PDZRN3: variants seen among roughly 807,000 people sequenced by gnomAD.
The protein encoded by PDZRN3 is PDZ domain containing ring finger 3.
Under a neutral mutation model 85.7 loss-of-function variants are expected in PDZRN3, and 38 were observed. The ratio of observed to expected loss-of-function variants is 0.44; its 90% CI spans 0.34 to 0.58. The LOEUF (loss-of-function observed/expected upper bound fraction) is 0.58, where lower values mean the gene tolerates loss of function less well. Ranked by LOEUF, PDZRN3 falls within the 20% of genes least tolerant of loss-of-function variation. The pLI, the probability that PDZRN3 is intolerant of heterozygous loss-of-function variation, is 0.01. For synonymous variants in PDZRN3, 759 were observed against 638.0 expected (o/e 1.19, Z -2.86); for missense variants, 1,629 against 1,506.4 (o/e 1.08, Z -1.35).
At chr3:73,511,498 G>C (rs1415174979) in intron 3 of PDZRN3, among the ~76,000 whole-genome samples, 1 of 152,204 alleles carries the variant, frequency 6.6e-6, no homozygotes, top group African/African-American at 2.4e-5. Context: ...GACATTCTTT[G>C]TGGGGCAAGC....
intron 3 of PDZRN3, among the ~76,000 whole-genome samples, chr3:73,507,899 C>G (rs893690525): frequency 6.6e-6 from 1 of 152,114 alleles, no homozygotes; most frequent in Admixed American, 6.5e-5. Flanking sequence ...TCCAGACCAG[C>G]CTGGCCAACA....
chr3:73,475,264 A>G (rs1703425853), intron 3 of PDZRN3, among the ~76,000 whole-genome samples: 1 of 152,314 alleles, frequency 6.6e-6, no homozygotes, highest in African/African-American at 2.4e-5. Context: ...CCCTAATCAC[A>G]TCCTTCCAAA....
intron 3 of PDZRN3, among the ~76,000 whole-genome samples, chr3:73,473,389 T>C (rs909337349): frequency 1.3e-5 from 2 of 152,104 alleles, no homozygotes; most frequent in Non-Finnish European, 2.9e-5. Context: ...TATTGACATT[T>C]TGATGGGTTC....
intron 5 of PDZRN3, among the ~76,000 whole-genome samples, chr3:73,391,976 A>C (rs747902883): frequency 1.1e-4 from 17 of 152,128 alleles, no homozygotes; most frequent in Non-Finnish European, 2.1e-4. Flanking sequence ...AGGAGAATGG[A>C]GGGGCTCTGA....
intron 3 of PDZRN3, among the ~76,000 whole-genome samples, chr3:73,496,780 G>A (rs576085824): frequency 1.3e-5 from 2 of 152,224 alleles, no homozygotes; most frequent in Non-Finnish European, 2.9e-5. Flanking sequence ...AGCTTTACCA[G>A]GTGGCCAATC....
chr3:73,594,143 T>C (rs1702399780), intron 3 of PDZRN3: 1 of 152,090 alleles, frequency 6.6e-6, no homozygotes, highest in Admixed American at 6.5e-5. Flanking sequence ...ACAAAGCCCA[T>C]ATACCACACA....
At position 73,462,406 on chromosome 3, in the gene PDZRN3, G is replaced by A. The variant is rs535481011; in HGVS notation, c.919-58011C>T. 2.0e-4 allele frequency among the ~76,000 whole-genome samples: 31 copies of A among 152,146 alleles called. 1 individual carries two copies. The highest frequency in any genetic ancestry group is 6.2e-4 in the South Asian group (3 of 4,816). ...AAAATACAAAAAAAATTAGCCAGGC[G>A]TGGTGGTGGGCCCCTGTAGTCCCAG... On this transcript the variant is annotated intron_variant, in intron 3 of 9. Coordinates refer to ENST00000263666, the MANE Select transcript of PDZRN3 (RefSeq NM_015009.3).
intron 3 of PDZRN3, chr3:73,434,077 A>G (rs1249549877): frequency 2.3e-6 from 1 of 426,974 alleles, no homozygotes; most frequent in Non-Finnish European, 3.1e-6. Context: ...ATAACAGACA[A>G]TGATACAGAA....
intron 3 of PDZRN3, among the ~76,000 whole-genome samples, chr3:73,545,083 G>A (rs2106790415): frequency 6.6e-6 from 1 of 152,292 alleles, no homozygotes; most frequent in Middle Eastern, 3.4e-3. Context: ...ACCTATACTG[G>A]CATTTAGTAG....
chr3:73,475,839 C>G (rs1178608598), intron 3 of PDZRN3, among the ~76,000 whole-genome samples: 1 of 152,166 alleles, frequency 6.6e-6, no homozygotes, highest in Non-Finnish European at 1.5e-5. Flanking sequence ...GGAGCAAATG[C>G]AAGCGTTTGA....
chr3:73,451,265 T>A (rs1253247369), intron 3 of PDZRN3, among the ~76,000 whole-genome samples: 1 of 152,134 alleles, frequency 6.6e-6, no homozygotes, highest in African/African-American at 2.4e-5. Flanking sequence ...AGTAAAAAAA[T>A]AATTGCTCTC....
At chr3:73,588,843 G>A (rs1404256483) in intron 3 of PDZRN3, among the ~76,000 whole-genome samples, 2 of 152,176 alleles carry the variant, frequency 1.3e-5, no homozygotes, top group Non-Finnish European at 1.5e-5. Flanking sequence ...AGCAGGTGGT[G>A]TATGACTGAC....
intron 2 of PDZRN3, among the ~76,000 whole-genome samples, chr3:73,605,743 T>C (rs1702591047): frequency 6.6e-6 from 1 of 152,198 alleles, no homozygotes; most frequent in Non-Finnish European, 1.5e-5. Flanking sequence ...TACATTCAGG[T>C]TTCATGATGC....
At position 73,549,973 on chromosome 3, in the gene PDZRN3, T is replaced by C. The variant is rs535329376; in HGVS notation, c.918+52381A>G. ...CCATGTCCTTTCAGATCCTGGGCCC[T>C]GGCTGCCTGTTAGTGCAGATGCTGC... is the stretch of plus-strand genomic sequence containing the variant. On this transcript the variant is annotated intron_variant, in intron 3 of 9. Transcript: ENST00000263666. Among the ~76,000 whole-genome samples, 4 of 152,346 alleles carry C rather than the reference T, an allele frequency of 2.6e-5. No homozygotes were observed. The South Asian group carries it at 8.3e-4, about 32-fold the overall frequency.
At chr3:73,395,546 T>A (rs2106704361) in intron 5 of PDZRN3, among the ~76,000 whole-genome samples, 1 of 152,344 alleles carries the variant, frequency 6.6e-6, no homozygotes, top group East Asian at 1.9e-4. Flanking sequence ...AACTCTCTGT[T>A]GCAGCATCAG....
intron 3 of PDZRN3, chr3:73,569,234 G>T: frequency 2.3e-6 from 3 of 1,286,796 alleles, no homozygotes; most frequent in Non-Finnish European, 3.0e-6. Flanking sequence ...AAATACTTCA[G>T]TCTGCAAAGA....
intron 3 of PDZRN3, among the ~76,000 whole-genome samples, chr3:73,557,371 A>G (rs1009489427): frequency 3.9e-5 from 6 of 152,232 alleles, no homozygotes; most frequent in African/African-American, 1.4e-4. Flanking sequence ...AAAATCTGAA[A>G]TATCTTCGCT....
intron 2 of PDZRN3, among the ~76,000 whole-genome samples, chr3:73,608,241 C>G (rs1702631722): frequency 1.3e-5 from 2 of 152,174 alleles, no homozygotes; most frequent in African/African-American, 4.8e-5. Context: ...GCACCACACT[C>G]CAGCTCGGTC....
At chr3:73,562,081 T>G (rs1014094079) in intron 3 of PDZRN3, among the ~76,000 whole-genome samples, 1 of 152,216 alleles carries the variant, frequency 6.6e-6, no homozygotes, top group Non-Finnish European at 1.5e-5. Flanking sequence ...TCTGGTTTGA[T>G]TTACAGTTTC....
Sources: allele counts gnomAD v4.1 joint callset (sites outside exome capture counted in the v4.1 genomes callset), GRCh38; gene constraint gnomAD v4.1.1; transcripts MANE v1.5; gene names NCBI Gene and HGNC (gene_info 2026-07-23, HGNC 2026-07-21).